Variants in SH3RF2 observed in about 807,000 individuals in gnomAD.
SH3RF2 encodes the protein SH3 domain containing ring finger 2.
In SH3RF2, 43 loss-of-function variants were observed where a neutral mutation model predicts 59.0. That is an observed-to-expected ratio of 0.73 (90% CI 0.57 to 0.94). The LOEUF is 0.94. Among genes scored for constraint, SH3RF2 ranks in the 40% least tolerant of loss-of-function variants. The probability of loss-of-function intolerance (pLI) is 0.00; values close to 1 mark genes in which losing one functional copy is unlikely to be tolerated. For missense variants in SH3RF2, 930 were observed against 940.1 expected, an observed-to-expected ratio of 0.99 and a Z score of 0.14; for synonymous variants, 391 against 391.5, an observed-to-expected ratio of 1.00 and a Z score of 0.01.
At chr5:145,958,968 G>C (rs965956880) in intron 2 of SH3RF2, among the ~76,000 whole-genome samples, 1 of 152,166 alleles carries the variant, frequency 6.6e-6, no homozygotes, top group Non-Finnish European at 1.5e-5. Flanking sequence ...CATTTACATG[G>C]TCTCACAGTT....
intron 5 of SH3RF2, among the ~76,000 whole-genome samples, chr5:146,046,674 G>A (rs1427426068): frequency 6.6e-6 from 1 of 152,154 alleles, no homozygotes; most frequent in Non-Finnish European, 1.5e-5. Context: ...AGTCTAGCAA[G>A]GAAACACTCA....
At chr5:146,064,766 G>T (rs28722586), downstream of SH3RF2, among the ~76,000 whole-genome samples, 2 of 31,984 alleles carry the variant, frequency 6.3e-5, 1 homozygote, top group Non-Finnish European at 1.3e-4. Context: ...AAGGAAGGAA[G>T]GAAGGAAGGA....
At chr5:146,058,708 T>C (rs757199166) in intron 8 of SH3RF2, among the ~76,000 whole-genome samples, 23 of 151,912 alleles carry the variant, frequency 1.5e-4, no homozygotes, top group Non-Finnish European at 2.8e-4. Flanking sequence ...AATGGCCCAG[T>C]GTGTTTCTCA....
At chr5:146,012,743 CA>C (rs1302271095) in intron 4 of SH3RF2, among the ~76,000 whole-genome samples, 4 of 152,086 alleles carry the variant, frequency 2.6e-5, no homozygotes, top group Non-Finnish European at 5.9e-5. Flanking sequence ...GAAATGAACC[CA>C]CAGGGGCTGT....
At chr5:146,035,777 T>C (rs930158821) in intron 5 of SH3RF2, among the ~76,000 whole-genome samples, 2 of 152,222 alleles carry the variant, frequency 1.3e-5, no homozygotes, top group Admixed American at 6.5e-5. Flanking sequence ...TGGAAATTTC[T>C]AGATGTCCAG....
chr5:146,077,637 G>T (rs2150030384), intron 9 of SH3RF2, among the ~76,000 whole-genome samples: 2 of 152,164 alleles, frequency 1.3e-5, no homozygotes, highest in East Asian at 3.9e-4. Flanking sequence ...AAATCATGTT[G>T]ATATAGTACT....
At chr5:146,017,973 G>A (rs1761169773) in intron 5 of SH3RF2, among the ~76,000 whole-genome samples, 1 of 152,174 alleles carries the variant, frequency 6.6e-6, no homozygotes, top group South Asian at 2.1e-4. Context: ...ACTATAATAA[G>A]TGATTTACAA....
rs187943445 is a variant in SH3RF2, at chr5:145,960,106, G to A, written c.378+21800G>A. ...GTCTCATTCTGTCACCCAGGCTGAA[G>A]TGCAGTAGTGATCATTGCCCGCTGC... On this transcript the variant is annotated intron_variant, in intron 2 of 9. Transcript: ENST00000359120. Among the ~76,000 whole-genome samples the A allele has an allele frequency of 3.9e-4, 59 of 152,304 alleles. 2 individuals are homozygous for A. The East Asian group carries it at 0.01, about 26-fold the overall frequency.
intron 2 of SH3RF2, among the ~76,000 whole-genome samples, chr5:145,986,483 G>A (rs1457038727): frequency 6.6e-6 from 1 of 152,162 alleles, no homozygotes; most frequent in African/African-American, 2.4e-5. Context: ...GGGCAGAATT[G>A]CCTCCCAGGC....
At chr5:146,015,925 GAC>G (rs887429452) in intron 5 of SH3RF2, among the ~76,000 whole-genome samples, 1 of 152,128 alleles carries the variant, frequency 6.6e-6, no homozygotes, top group African/African-American at 2.4e-5. Context: ...GCCCACTTAT[GAC>G]ATATCTAATG....
chr5:146,012,663 G>A (rs1194595681), intron 4 of SH3RF2, among the ~76,000 whole-genome samples: 1 of 152,086 alleles, frequency 6.6e-6, no homozygotes, highest in East Asian at 1.9e-4. Context: ...TGAAAATTTA[G>A]GTAATCATCC....
intron 2 of SH3RF2, among the ~76,000 whole-genome samples, chr5:145,969,280 A>G (rs973912504): frequency 6.6e-6 from 1 of 152,242 alleles, no homozygotes; most frequent in Admixed American, 6.5e-5. Flanking sequence ...TTTATGAAAC[A>G]TTTAAAGAAA....
intron 2 of SH3RF2, chr5:145,997,532 T>C: frequency 1.9e-6 from 3 of 1,606,520 alleles, no homozygotes; most frequent in Non-Finnish European, 2.6e-6. Flanking sequence ...CTCCTCGAGA[T>C]TTTCTTCCGA....
In SH3RF2 at chr5:146,047,883, C is replaced by A; in HGVS notation, c.1151+20C>A. 1 of 1,611,620 alleles carries A rather than the reference C, an allele frequency of 6.2e-7. No individual in the cohort carries two copies. The highest frequency in any genetic ancestry group is 1.1e-5 in the South Asian group (1 of 91,026). Reference sequence around the variant, plus strand: ...GAACATGTGAGTAAAAGGCTCATCCCTTCACCCAAGTCCTGGCACAAAGGG... The same window carrying A: ...GAACATGTGAGTAAAAGGCTCATCCATTCACCCAAGTCCTGGCACAAAGGG... On this transcript the variant is annotated intron_variant, in intron 6 of 9. Transcript: ENST00000359120.
At chr5:145,951,532 A>G (rs1758192974) in intron 2 of SH3RF2, among the ~76,000 whole-genome samples, 1 of 152,178 alleles carries the variant, frequency 6.6e-6, no homozygotes, top group South Asian at 2.1e-4. Context: ...AAGGTCCTCC[A>G]AGCCACCCCT....
chr5:146,040,198 T>C (rs748202956), intron 5 of SH3RF2, among the ~76,000 whole-genome samples: 4 of 152,340 alleles, frequency 2.6e-5, no homozygotes, highest in South Asian at 4.1e-4. Context: ...TCAACTTCTA[T>C]TTTTATTGTA....
intron 5 of SH3RF2, among the ~76,000 whole-genome samples, chr5:146,042,376 C>A (rs1330077282): frequency 2.0e-5 from 3 of 152,302 alleles, no homozygotes; most frequent in East Asian, 3.9e-4. Flanking sequence ...ATCTATTGAG[C>A]ACTTACATTG....
chr5:146,003,751 C>T (rs368126780), intron 3 of SH3RF2, among the ~76,000 whole-genome samples: 1 of 152,300 alleles, frequency 6.6e-6, no homozygotes, highest in African/African-American at 2.4e-5. Context: ...ATCTTGATTT[C>T]TCCATCAGAT....
In SH3RF2 at chr5:146,049,134, G is replaced by A; in HGVS notation, c.1211G>A (p.Gly404Glu). The change falls in exon 7 of 10, where the codon GGA becomes GAA. Residue 404 changes from glycine to glutamate, a missense_variant. Gly to Glu is a moderately conservative substitution (Grantham distance 98). Coordinates refer to ENST00000359120, the MANE Select transcript of SH3RF2 (RefSeq NM_152550.4). Reference sequence around the variant, plus strand: ...CCCGATGAGCTGGACCTGCAAAAGGGAGAAGGCGTCAGGGTCCTGGGGAAG... The same window carrying A: ...CCCGATGAGCTGGACCTGCAAAAGGAAGAAGGCGTCAGGGTCCTGGGGAAG... Reference protein sequence around the residue: ...HGPDELDLQKGEGVRVLGKCQ... With the variant: ...HGPDELDLQKEEGVRVLGKCQ... The A allele has an allele frequency of 6.2e-7, 1 of 1,614,154 alleles. No homozygotes were observed. Among genetic ancestry groups the A allele is most frequent in the Non-Finnish European group, 8.5e-7 (1 of 1,180,046 alleles).
Sources: gnomAD v4.1 joint callset for allele counts (sites outside exome capture counted in the v4.1 genomes callset) on GRCh38, gnomAD v4.1.1 for gene constraint, MANE v1.5 for transcripts, NCBI Gene and HGNC (gene_info 2026-07-23, HGNC 2026-07-21) for gene names.